The following DNAJC9 variants were observed in gnomAD, a reference collection of about 807,000 sequenced individuals.
DNAJC9 encodes dnaJ homolog subfamily C member 9.
Under a neutral mutation model 32.4 loss-of-function variants are expected in DNAJC9, and 18 were observed. The ratio of observed to expected loss-of-function variants is 0.56; its 90% CI spans 0.38 to 0.82. The LOEUF (loss-of-function observed/expected upper bound fraction) is 0.82, where lower values mean the gene tolerates loss of function less well. DNAJC9 is among the 40% of genes least tolerant of loss of function. The probability of loss-of-function intolerance (pLI) is 0.00; values close to 1 mark genes in which losing one functional copy is unlikely to be tolerated. For missense variants in DNAJC9, 310 were observed against 321.8 expected (o/e 0.96, Z 0.28); for synonymous variants, 113 against 122.1 (o/e 0.93, Z 0.49).
Position 73,243,046 on chromosome 10 carries a change from A to T in DNAJC9, c.*354T>A. 1 of 203,866 alleles carries T rather than the reference A, an allele frequency of 4.9e-6. No homozygotes were observed. The highest frequency in any genetic ancestry group is 1.4e-4 in the East Asian group (1 of 7,102). 12.6% of individuals were successfully genotyped at this position (203,866 alleles called of 1,614,324 possible). A position where few individuals can be genotyped will look rare whatever the true frequency, so the allele number is the denominator to read the frequency against. On this transcript the variant is annotated 3_prime_UTR_variant, in exon 5 of 5. Coordinates refer to ENST00000372950, the MANE Select transcript of DNAJC9 (RefSeq NM_015190.5). Reference sequence around the variant, plus strand: ...CTAGCTGGGTAGAGAGCCTATTCTAACAGACACGCACATCGCAGAAAGCAG... The same window carrying T: ...CTAGCTGGGTAGAGAGCCTATTCTATCAGACACGCACATCGCAGAAAGCAG...
chr10:73,239,192 C>A, downstream of DNAJC9: 4 of 766,874 alleles, frequency 5.2e-6, no homozygotes, highest in Middle Eastern at 2.5e-4. Flanking sequence ...ACTTTTCCCT[C>A]AAGTTGGTAG....
Position 73,241,994 on chromosome 10 carries a change from A to G in DNAJC9, c.*1406T>C, listed in dbSNP as rs1744084638. 6.6e-6 allele frequency: 1 copy of G among 152,228 alleles called. No homozygotes were observed. Among genetic ancestry groups the G allele is most frequent in the Admixed American group, 6.5e-5 (1 of 15,288 alleles). 9.4% of individuals were successfully genotyped at this position (152,228 alleles called of 1,614,324 possible). A position where few individuals can be genotyped will look rare whatever the true frequency, so the allele number is the denominator to read the frequency against. On this transcript the variant is annotated 3_prime_UTR_variant, in exon 5 of 5. Transcript: ENST00000372950. Reference sequence around the variant, plus strand: ...ACATTTATTTTAAATTTCACTAAATACAAATCTTGATTGTCATGCCAGTTT... The same window carrying G: ...ACATTTATTTTAAATTTCACTAAATGCAAATCTTGATTGTCATGCCAGTTT...
intron 2 of DNAJC9, chr10:73,232,887 T>C (rs1263811162): frequency 9.0e-7 from 1 of 1,107,298 alleles, no homozygotes; most frequent in Non-Finnish European, 1.3e-6. Flanking sequence ...AGTCTTGTCT[T>C]CCTTGACATA....
chr10:73,240,331 C>T (rs957676199), downstream of DNAJC9, among the ~76,000 whole-genome samples: 10 of 152,188 alleles, frequency 6.6e-5, no homozygotes, highest in Admixed American at 5.9e-4. Context: ...CTCAGTTCCC[C>T]GCAGCATTGT....
chr10:73,233,211 A>AT, intron 2 of DNAJC9: 1 of 1,231,592 alleles, frequency 8.1e-7, no homozygotes, highest in Non-Finnish European at 1.2e-6. Flanking sequence ...AAACTAACAC[A>AT]TTTTACATAC....
chr10:73,239,210 C>T, downstream of DNAJC9: 1 of 982,800 alleles, frequency 1.0e-6, no homozygotes, highest in African/African-American at 1.6e-5. Flanking sequence ...TAGTCTATGC[C>T]TTTTACCACT....
intron 3 of DNAJC9, 114 bp from the exon 4 acceptor site, chr10:73,244,043 C>A: frequency 1.3e-6 from 1 of 785,888 alleles, no homozygotes; most frequent in South Asian, 1.8e-5. Context: ...TATGAATAGA[C>A]AAAATGAATC....
downstream of DNAJC9, among the ~76,000 whole-genome samples, chr10:73,236,413 CTT>C (rs571460371): frequency 2.8e-4 from 37 of 133,262 alleles, no homozygotes; most frequent in African/African-American, 8.2e-4. Flanking sequence ...CAATTTCTGC[CTT>C]TTTTTTTTTT....
At chr10:73,236,038 A>AC (rs1333386977), downstream of DNAJC9, among the ~76,000 whole-genome samples, 2 of 152,054 alleles carry the variant, frequency 1.3e-5, no homozygotes, top group African/African-American at 4.8e-5. Flanking sequence ...GTAACCAGGG[A>AC]CCCCACATCC....
In DNAJC9 at chr10:73,243,840, T is replaced by C. The variant is rs1352553404; in HGVS notation, c.663+3A>G. On this transcript the variant is annotated splice_donor_region_variant and intron_variant, in intron 4 of 4. Coordinates refer to ENST00000372950, the MANE Select transcript of DNAJC9 (RefSeq NM_015190.5). ...AGATGTGGCAACAAACTGCCAAGTT[T>C]ACCTGAATGGCTGCCTTCAGGCTAT... 1.1e-5 allele frequency: 17 copies of C among 1,611,290 alleles called. No individual in the cohort carries two copies. The highest frequency in any genetic ancestry group is 1.4e-5 in the Non-Finnish European group (16 of 1,179,026).
chr10:73,235,359 G>T (rs2133410351), downstream of DNAJC9: 1 of 1,549,020 alleles, frequency 6.5e-7, no homozygotes, highest in South Asian at 1.2e-5. Flanking sequence ...GATAGTTGGG[G>T]AAAGAAAAGG....
At chr10:73,239,300 T>C, downstream of DNAJC9, 1 of 1,550,402 alleles carries the variant, frequency 6.4e-7, no homozygotes, top group Admixed American at 2.0e-5. Context: ...TGTCTCCTCT[T>C]TTGTCTTGTA....
downstream of DNAJC9, among the ~76,000 whole-genome samples, chr10:73,238,305 C>T: frequency 6.6e-6 from 1 of 152,206 alleles, no homozygotes; most frequent in Non-Finnish European, 1.5e-5. Flanking sequence ...CGAGATCGTG[C>T]CATTGCACTC....
intron 3 of DNAJC9, among the ~76,000 whole-genome samples, chr10:73,245,450 T>TAA (rs59729317): frequency 1.5e-5 from 2 of 137,680 alleles, no homozygotes; most frequent in African/African-American, 5.3e-5. Context: ...AGTTTTTCTT[T>TAA]AAAAAAAAAA....
intron 2 of DNAJC9, 131 bp downstream of exon 2, chr10:73,246,557 T>C: frequency 9.3e-7 from 1 of 1,079,364 alleles, no homozygotes; most frequent in Non-Finnish European, 1.4e-6. Flanking sequence ...TGTATCTGTA[T>C]TTCAAGGCCA....
At chr10:73,246,868 C>T (rs772118005) in intron 1 of DNAJC9, 40 bp from the exon 2 acceptor site, 1 of 1,610,304 alleles carries the variant, frequency 6.2e-7, no homozygotes, top group Non-Finnish European at 8.5e-7. Context: ...CCTGCTCCTC[C>T]CACCGAAACG....
downstream of DNAJC9, among the ~76,000 whole-genome samples, chr10:73,237,886 G>C (rs571556182): frequency 1.9e-4 from 29 of 152,092 alleles, no homozygotes; most frequent in Non-Finnish European, 2.5e-4. Flanking sequence ...TCTGCACCTG[G>C]CTAAAAACAT....
At position 73,233,268 on chromosome 10, in the gene DNAJC9, CATT is replaced by C. The variant is rs1486959255; in HGVS notation, n.147+10572_147+10574del. 24 of 812,700 alleles carry C rather than the reference CATT, an allele frequency of 3.0e-5. 2 individuals carry two copies. The Admixed American group carries it at 4.8e-4, about 16-fold the overall frequency. 50.3% of individuals were successfully genotyped at this position (812,700 alleles called of 1,614,324 possible). A position where few individuals can be genotyped will look rare whatever the true frequency, so the allele number is the denominator to read the frequency against. ...CTGAAATCTATGCCTAGAAACTAAT[CATT>C]AAGTAGTCTTATGACAGATTGCCCA... is the stretch of plus-strand genomic sequence containing the variant. On this transcript the variant is annotated intron_variant and non_coding_transcript_variant, in intron 2 of 2. Transcript: ENST00000469143.
chr10:73,237,421 CT>C (rs539055192), downstream of DNAJC9, among the ~76,000 whole-genome samples: 156 of 145,538 alleles, frequency 1.1e-3, no homozygotes, highest in Middle Eastern at 3.5e-3. Flanking sequence ...TTCTCTGAAA[CT>C]TTTTTTTTTT....
Sources: gnomAD v4.1 joint callset for allele counts (sites outside exome capture counted in the v4.1 genomes callset) on GRCh38, gnomAD v4.1.1 for gene constraint, MANE v1.5 for transcripts, NCBI Gene and HGNC (gene_info 2026-07-23, HGNC 2026-07-21) for gene names.